SALL1: variants seen among roughly 807,000 people sequenced by gnomAD.
SALL1 encodes spalt like transcription factor 1.
SALL1 carries 10 observed loss-of-function variants against 73.1 expected under a neutral mutation model. The observed-to-expected ratio is 0.14, with a 90% confidence interval of 0.08 to 0.23. SALL1 has a LOEUF of 0.23. SALL1 is among the 10% of genes least tolerant of loss of function. SALL1 has a pLI of 1.00. For synonymous variants in SALL1, 688 were observed against 689.8 expected (o/e 1.00, Z 0.04); for missense variants, 1,520 against 1,697.3 (o/e 0.90, Z 1.84).
chr16:51,139,353 C>A lies in SALL1; in HGVS notation c.2869G>T (p.Ala957Ser), dbSNP rs1351258584. 1 of 1,614,060 alleles carries A rather than the reference C, an allele frequency of 6.2e-7. No homozygotes were observed. The highest frequency in any genetic ancestry group is 2.2e-5 in the East Asian group (1 of 44,888). ...ACTGGGGTGGGAGACAAACCATTGG[C>A]AAACTCGCTTGGGACCGCTCTCTGT... ...KPQRAVPSEF[A>S]NGLSPTPVNG... The change falls in exon 2 of 3, where the codon GCC (alanine) becomes TCC (serine). Residue 957 changes from alanine to serine, a missense_variant. By Grantham distance (99) the Ala-to-Ser change is moderately conservative. Transcript: ENST00000251020.
chr16:51,138,565 T>G, intron 2 of SALL1, 123 bp downstream of exon 2: 1 of 1,271,662 alleles, frequency 7.9e-7, no homozygotes. Flanking sequence ...TGCAGCAGGT[T>G]CCCTTGCAAG....
intron 1 of SALL1, among the ~76,000 whole-genome samples, chr16:51,149,015 A>G (rs1237253234): frequency 1.3e-5 from 2 of 152,206 alleles, no homozygotes; most frequent in African/African-American, 2.4e-5. Flanking sequence ...AAAGGAAGGA[A>G]GAGAAAGAAA....
rs778842406 is a variant in SALL1 at position 51,142,119 on chromosome 16, G to A, written c.103C>T (p.Arg35Cys). 8 of 1,613,154 alleles carry A rather than the reference G, an allele frequency of 5.0e-6. No homozygotes were observed. The highest frequency in any genetic ancestry group is 4.4e-5 in the South Asian group (4 of 91,046). Reference sequence around the variant, plus strand: ...TGGGCATCCTTGCTCTTAGTAGGGCGACTCGGTTGACCCTTTTCTGTGTCT... The same window carrying A: ...TGGGCATCCTTGCTCTTAGTAGGGCAACTCGGTTGACCCTTTTCTGTGTCT... ...DGDTEKGQPS[R>C]PTKSKDAHVC... Residue 35 changes from arginine to cysteine, a missense_variant, in exon 2 of 3, where the codon CGC becomes TGC. By Grantham distance (180) the Arg-to-Cys change is radical. This residue lies in a region of SALL1 where 540 missense variants were observed against 567.5 expected (regional missense o/e 0.95). Coordinates refer to ENST00000251020, the MANE Select transcript of SALL1 (RefSeq NM_002968.3).
chr16:51,151,314 AGCGGCGGCG>A (rs954474530), upstream of SALL1: 92 of 1,199,778 alleles, frequency 7.7e-5, no homozygotes, highest in African/African-American at 2.5e-4. Context: ...ACGGAAATCG[AGCGGCGGCG>A]GCGGCGGCGG....
At chr16:51,151,748 C>G (rs1353594607), upstream of SALL1, among the ~76,000 whole-genome samples, 3 of 151,702 alleles carry the variant, frequency 2.0e-5, no homozygotes, top group Admixed American at 6.5e-5. Flanking sequence ...TCCTTCGCCC[C>G]CCCCCACAAT....
Position 51,141,754 on chromosome 16 carries a change from G to A in SALL1, c.468C>T (p.Ser156=). ...STAPSSSSSS[S]SSSGGGGSSS... ...AGCTGCCGCCGCCGCCGCTGCTGCT[G>A]CTGCTGCTGCTGCTGCTGCTTGGGG... Residue 156 remains serine, a synonymous_variant, in exon 2 of 3, where the codon AGC becomes AGT. Coordinates refer to ENST00000251020, the MANE Select transcript of SALL1 (RefSeq NM_002968.3). This position sits in a 1 kb window ranked among gnomAD's most constrained non-coding sequence, Gnocchi z 5.4. 4 of 1,609,982 alleles carry A rather than the reference G, an allele frequency of 2.5e-6. No individual in the cohort carries two copies. The highest frequency in any genetic ancestry group is 3.4e-6 in the Non-Finnish European group (4 of 1,176,882).
Position 51,137,396 on chromosome 16 carries a change from A to G in SALL1, c.3691T>C (p.Ser1231Pro). 6.2e-7 allele frequency: 1 copy of G among 1,614,138 alleles called. No homozygotes were observed. The highest frequency in any genetic ancestry group is 8.5e-7 in the Non-Finnish European group (1 of 1,180,032). ...LAARSGSGDP[S>P]SFWNQYAAAL... ...GCTGCATACTGATTCCAGAAGCTGG[A>G]AGGATCCCCACTTCCTGATCTTGCC... is the stretch of plus-strand genomic sequence containing the variant. Residue 1231 changes from serine to proline, a missense_variant, in exon 3 of 3, where the codon TCC becomes CCC. Transcript: ENST00000251020.
chr16:51,151,357 C>A, upstream of SALL1: 1 of 477,852 alleles, frequency 2.1e-6, no homozygotes, highest in South Asian at 7.6e-5. Context: ...CCGGCCCGCC[C>A]GCCCCCTCCC....
chr16:51,142,127 T>C lies in SALL1; in HGVS notation c.95A>G (p.Gln32Arg). Residue 32 changes from glutamine to arginine, a missense_variant, in exon 2 of 3, where the codon CAA becomes CGA. Coordinates refer to ENST00000251020, the MANE Select transcript of SALL1 (RefSeq NM_002968.3). Reference sequence around the variant, plus strand: ...CTTGCTCTTAGTAGGGCGACTCGGTTGACCCTTTTCTGTGTCTCCTACAAA... The same window carrying C: ...CTTGCTCTTAGTAGGGCGACTCGGTCGACCCTTTTCTGTGTCTCCTACAAA... ...PRRDGDTEKG[Q>R]PSRPTKSKDA... 4 of 1,613,352 alleles carry C rather than the reference T, an allele frequency of 2.5e-6. No homozygotes were observed. Among genetic ancestry groups the C allele is most frequent in the South Asian group, 2.2e-5 (2 of 91,070 alleles).
rs1353272682 is a variant in SALL1 at position 51,140,709 on chromosome 16, G to A, written c.1513C>T (p.His505Tyr). 37 of 1,614,068 alleles carry A rather than the reference G, an allele frequency of 2.3e-5. No individual in the cohort carries two copies. Among genetic ancestry groups the A allele is most frequent in the Non-Finnish European group, 3.1e-5 (36 of 1,180,046 alleles). ...HFQRHKEKYP[H>Y]IQMNPYPVPE... ...ACAGGATAGGGGTTCATCTGGATAT[G>A]AGGGTATTTCTCTTTGTGGCGCTGA... Residue 505 changes from histidine (H) to tyrosine (Y), a missense_variant, in exon 2 of 3, where the codon CAT becomes TAT. This residue lies in a region of SALL1 where 276 missense variants were observed against 259.1 expected (regional missense o/e 1.07). Transcript: ENST00000251020. The surrounding 1 kb of genome is among the most constrained non-coding windows in gnomAD (Gnocchi z 5.7).
chr16:51,148,648 T>G (rs73585431), intron 1 of SALL1, among the ~76,000 whole-genome samples: 2,834 of 152,344 alleles, frequency 0.019, 85 homozygotes, highest in African/African-American at 0.066. Context: ...TAACCTTGAG[T>G]TATGTCATGA....
intron 1 of SALL1, among the ~76,000 whole-genome samples, chr16:51,146,036 T>G (rs969693636): frequency 2.0e-5 from 3 of 149,854 alleles, no homozygotes; most frequent in African/African-American, 7.4e-5. Flanking sequence ...GGGAAAAGTC[T>G]GAATCCAAAT....
In SALL1 at chr16:51,138,684, G is replaced by T. The variant is rs1962354095; in HGVS notation, c.3534+4C>A. The stretch of plus-strand genomic sequence containing the variant: ...GCAGGTATGGTGCAGAGAGAGCAAG[G>T]TACCTTAAGATTGCCTTTAGTCGTG... On this transcript the variant is annotated splice_donor_region_variant and intron_variant, in intron 2 of 2. Coordinates refer to ENST00000251020, the MANE Select transcript of SALL1 (RefSeq NM_002968.3). 28 of 1,610,492 alleles carry T rather than the reference G, an allele frequency of 1.7e-5. No individual in the cohort carries two copies. The highest frequency in any genetic ancestry group is 2.3e-5 in the Non-Finnish European group (27 of 1,177,956).
In SALL1 at chr16:51,140,556, C is replaced by T. The variant is rs776856200; in HGVS notation, c.1666G>A (p.Gly556Ser). 7 of 1,613,836 alleles carry T rather than the reference C, an allele frequency of 4.3e-6. No homozygotes were observed. Among genetic ancestry groups the T allele is most frequent in the Admixed American group, 1.7e-5 (1 of 60,010 alleles). The change falls in exon 2 of 3, where the codon GGC becomes AGC. Residue 556 changes from glycine to serine, a missense_variant. This residue lies in a region of SALL1 where 276 missense variants were observed against 259.1 expected (regional missense o/e 1.07). Coordinates refer to ENST00000251020, the MANE Select transcript of SALL1 (RefSeq NM_002968.3). The surrounding 1 kb of genome is among the most constrained non-coding windows in gnomAD (Gnocchi z 5.7). ...PVLPTLTTSVGLPLPPTLPSL... is the reference protein window; with the variant it reads ...PVLPTLTTSVSLPLPPTLPSL... ...GGGAGGGTTGGGGGCAACGGCAGGCCGACTGAAGTGGTCAGAGTAGGCAGG... is the reference window on the plus strand; with the variant it reads ...GGGAGGGTTGGGGGCAACGGCAGGCTGACTGAAGTGGTCAGAGTAGGCAGG...
At position 51,140,612 on chromosome 16, in the gene SALL1, G is replaced by A; in HGVS notation, c.1610C>T (p.Pro537Leu). Residue 537 changes from proline to leucine, a missense_variant, in exon 2 of 3, where the codon CCA becomes CTA. By Grantham distance (98) the Pro-to-Leu change is moderately conservative. Transcript: ENST00000251020. This position sits in a 1 kb window ranked among gnomAD's most constrained non-coding sequence, Gnocchi z 5.7. The part of the protein sequence containing the change: ...PYGMSIPPEK[P>L]VTSWLDTKPV... Reference sequence around the variant, plus strand: ...TTTGGTGTCTAGCCAGCTGGTGACTGGCTTCTCTGGAGGGATGGACATGCC... The same window carrying A: ...TTTGGTGTCTAGCCAGCTGGTGACTAGCTTCTCTGGAGGGATGGACATGCC... 1 of 1,614,100 alleles carries A rather than the reference G, an allele frequency of 6.2e-7. No homozygotes were observed. Among genetic ancestry groups the A allele is most frequent in the Non-Finnish European group, 8.5e-7 (1 of 1,180,004 alleles).
At chr16:51,142,239 A>C (rs1278062163) in intron 1 of SALL1, 94 bp from the exon 2 acceptor site, 2 of 969,960 alleles carry the variant, frequency 2.1e-6, no homozygotes, top group Non-Finnish European at 3.2e-6. Flanking sequence ...ATGGTTTTCC[A>C]CCTGCAAAAC....
Position 51,141,148 on chromosome 16 carries a change from T to C in SALL1, c.1074A>G (p.Ser358=). 6.2e-7 allele frequency: 1 copy of C among 1,614,196 alleles called. No individual in the cohort carries two copies. Among genetic ancestry groups the C allele is most frequent in the Non-Finnish European group, 8.5e-7 (1 of 1,180,028 alleles). Residue 358 remains serine, a synonymous_variant, in exon 2 of 3, where the codon TCA becomes TCG. Transcript: ENST00000251020. The surrounding 1 kb of genome is among the most constrained non-coding windows in gnomAD (Gnocchi z 5.4). ...TGCTGACATGGGAGGCCCCAGCACTTGAAGCCACTTTTTCAGAGGACGGGG... is the reference window on the plus strand; with the variant it reads ...TGCTGACATGGGAGGCCCCAGCACTCGAAGCCACTTTTTCAGAGGACGGGG... ...VTTPSSEKVA[S]SAGASHVSNP...
chr16:51,147,832 C>G (rs901996130), intron 1 of SALL1, among the ~76,000 whole-genome samples: 9 of 139,876 alleles, frequency 6.4e-5, no homozygotes, highest in African/African-American at 2.2e-4. Flanking sequence ...CTTACGCACA[C>G]AAAACACATA....
chr16:51,140,455 G>A lies in SALL1; in HGVS notation c.1767C>T (p.Gly589=), dbSNP rs773579408. ...GGCCCCCGGAGTCACTTTTGACTGA[G>A]CCTGGGGGGCTGGTGGCAGAATGGC... The part of the protein sequence containing the change: ...PISHSATSPP[G]SVKSDSGGPE... Residue 589 remains glycine, a synonymous_variant, in exon 2 of 3, where the codon GGC becomes GGT. Transcript: ENST00000251020. This position sits in a 1 kb window ranked among gnomAD's most constrained non-coding sequence, Gnocchi z 5.7. 3 of 1,613,860 alleles carry A rather than the reference G, an allele frequency of 1.9e-6. No homozygotes were observed. Among genetic ancestry groups the A allele is most frequent in the Non-Finnish European group, 2.5e-6 (3 of 1,179,802 alleles).
Sources: allele counts gnomAD v4.1 joint callset (sites outside exome capture counted in the v4.1 genomes callset), GRCh38; gene constraint gnomAD v4.1.1; regional missense constraint gnomAD v4.1.1; non-coding constraint Gnocchi (gnomAD v3.1); transcripts MANE v1.5; gene names NCBI Gene and HGNC (gene_info 2026-07-23, HGNC 2026-07-21).